The following CNMD variants were observed in gnomAD, a reference collection of about 807,000 sequenced individuals.
The protein encoded by CNMD is leukocyte cell-derived chemotaxin 1.
Under a neutral mutation model 37.5 loss-of-function variants are expected in CNMD, and 30 were observed. The ratio of observed to expected loss-of-function variants is 0.80; its 90% confidence interval spans 0.60 to 1.09. The LOEUF is 1.09. Among genes scored for constraint, CNMD ranks in the 50% least tolerant of loss-of-function variants. CNMD has a pLI of 0.00. For synonymous variants in CNMD, 167 were observed against 148.2 expected (o/e 1.13, Z -0.92); for missense variants, 398 against 423.9 (o/e 0.94, Z 0.54).
chr13:52,721,923 G>A (rs1221021490), intron 4 of CNMD, among the ~76,000 whole-genome samples: 1 of 152,154 alleles, frequency 6.6e-6, no homozygotes, highest in Non-Finnish European at 1.5e-5. Flanking sequence ...AACAAGTTCT[G>A]GGTCCATTTG....
intron 4 of CNMD, among the ~76,000 whole-genome samples, chr13:52,723,346 G>GC (rs1964514152): frequency 6.6e-6 from 1 of 152,034 alleles, no homozygotes; most frequent in South Asian, 2.1e-4. Context: ...GCCCACCTCG[G>GC]CCTCCCAAAG....
chr13:52,720,360 C>G (rs946180130), intron 4 of CNMD, among the ~76,000 whole-genome samples: 8 of 152,150 alleles, frequency 5.3e-5, no homozygotes, highest in African/African-American at 1.9e-4. Context: ...ATTCTCCATC[C>G]AGATTTGTTC....
At chr13:52,710,724 A>G (rs1361851376) in intron 5 of CNMD, among the ~76,000 whole-genome samples, 7 of 152,130 alleles carry the variant, frequency 4.6e-5, no homozygotes, top group Non-Finnish European at 1.0e-4. Context: ...ATCAACATTT[A>G]CCTTTTCTAA....
chr13:52,703,518 A>G lies in CNMD; in HGVS notation c.*77T>C. 1 of 1,022,454 alleles carries G rather than the reference A, an allele frequency of 9.8e-7. No homozygotes were observed. Among genetic ancestry groups the G allele is most frequent in the Non-Finnish European group, 1.5e-6 (1 of 662,778 alleles). 63.3% of individuals were successfully genotyped at this position (1,022,454 alleles called of 1,614,324 possible). On this transcript the variant is annotated 3_prime_UTR_variant, in exon 7 of 7. Transcript: ENST00000377962. ...AAAAATATTTTGTGGTCCTATCAGCATCAACCTGCCTTAATGCTTCTTTGG... is the reference window on the plus strand; with the variant it reads ...AAAAATATTTTGTGGTCCTATCAGCGTCAACCTGCCTTAATGCTTCTTTGG...
At chr13:52,723,737 C>G (rs1220967036) in intron 4 of CNMD, among the ~76,000 whole-genome samples, 1 of 151,952 alleles carries the variant, frequency 6.6e-6, no homozygotes, top group Non-Finnish European at 1.5e-5. Context: ...CAAGAAGAGC[C>G]TGGCCAACAT....
chr13:52,706,103 C>T (rs1027940060), intron 6 of CNMD, among the ~76,000 whole-genome samples: 3 of 152,146 alleles, frequency 2.0e-5, no homozygotes, highest in Non-Finnish European at 4.4e-5. Flanking sequence ...CATAGAAAAA[C>T]GTGCAAATGA....
At chr13:52,735,381 G>C (rs1326732422) in intron 2 of CNMD, among the ~76,000 whole-genome samples, 1 of 151,686 alleles carries the variant, frequency 6.6e-6, no homozygotes, top group Non-Finnish European at 1.5e-5. Flanking sequence ...TTTTTTTTAA[G>C]AACATTGCAC....
chr13:52,739,636 G>A lies in CNMD; in HGVS notation c.66C>T (p.Ser22=). 1.2e-6 allele frequency: 2 copies of A among 1,613,796 alleles called. No homozygotes were observed. The highest frequency in any genetic ancestry group is 2.2e-5 in the East Asian group (1 of 44,874). ...AATCCCTGGCGGTACTCACCGGGGG[G>A]CTGCAGAATTCCACGTCATCAGGTC... is the stretch of plus-strand genomic sequence containing the variant. ...LVGPDDVEFC[S]PPAYATLTVK... Residue 22 remains serine (S), a synonymous_variant, in exon 1 of 7, where the codon AGC becomes AGT. Transcript: ENST00000377962. This position sits in a 1 kb window ranked among gnomAD's most constrained non-coding sequence, Gnocchi z 5.4.
chr13:52,713,258 A>T (rs930155300), intron 4 of CNMD, among the ~76,000 whole-genome samples: 2 of 152,208 alleles, frequency 1.3e-5, no homozygotes, highest in African/African-American at 2.4e-5. Flanking sequence ...TGAAGTGAAA[A>T]TCTTGTGGGG....
chr13:52,704,593 C>T (rs1964144408), intron 6 of CNMD, among the ~76,000 whole-genome samples: 1 of 152,086 alleles, frequency 6.6e-6, no homozygotes, highest in African/African-American at 2.4e-5. Flanking sequence ...TTTTTGGGGA[C>T]TTGTAAGGGT....
At chr13:52,718,900 T>G (rs914358342) in intron 4 of CNMD, among the ~76,000 whole-genome samples, 1 of 152,184 alleles carries the variant, frequency 6.6e-6, no homozygotes, top group African/African-American at 2.4e-5. Flanking sequence ...TCTGTCTCAT[T>G]GATCTGTCTA....
chr13:52,712,557 C>G (rs148027577), intron 5 of CNMD, among the ~76,000 whole-genome samples, 159 bp downstream of exon 5: 1 of 152,250 alleles, frequency 6.6e-6, no homozygotes, highest in East Asian at 1.9e-4. Context: ...TGTCATTTTC[C>G]TGCTCTTTCA....
intron 4 of CNMD, among the ~76,000 whole-genome samples, chr13:52,717,670 C>A (rs981275539): frequency 6.6e-6 from 1 of 152,146 alleles, no homozygotes; most frequent in Non-Finnish European, 1.5e-5. Flanking sequence ...GTTGTACCAG[C>A]CTTGTATCCC....
rs570760172 is a variant in CNMD, at chr13:52,709,166, T to C, written c.623-464A>G. On this transcript the variant is annotated intron_variant, in intron 5 of 6. Transcript: ENST00000377962. ...AGGGGACAGATAGGCTTCCCTGTCT[T>C]GTTTTTCCTTTCTTGAACACAGATG... Among the ~76,000 whole-genome samples the C allele has an allele frequency of 3.3e-5, 5 of 152,334 alleles. No homozygotes were observed. The East Asian group carries it at 7.7e-4, about 23-fold the overall frequency.
chr13:52,704,909 A>ACAAAAAC, intron 6 of CNMD, among the ~76,000 whole-genome samples: 1 of 24,822 alleles, frequency 4.0e-5, no homozygotes, highest in Non-Finnish European at 8.8e-5. Flanking sequence ...CTACTAAAAA[A>ACAAAAAC]TTAGCCAGGC....
At chr13:52,727,231 C>T (rs1487400499) in intron 3 of CNMD, among the ~76,000 whole-genome samples, 3 of 151,946 alleles carry the variant, frequency 2.0e-5, no homozygotes, top group African/African-American at 7.3e-5. Context: ...ATGGCACCAC[C>T]GCACTTCAGC....
rs1964310337 is a variant in CNMD at position 52,712,754 on chromosome 13, T to TGA, written c.583_584insTC (p.Asp195ValfsTer24). 2 of 1,550,840 alleles carry TGA rather than the reference T, an allele frequency of 1.3e-6. No homozygotes were observed. Among genetic ancestry groups the TGA allele is most frequent in the East Asian group, 2.3e-5 (1 of 42,656 alleles). On this transcript the variant is annotated frameshift_variant, in exon 5 of 7. Transcript: ENST00000377962. LOFTEE classifies it high-confidence loss of function. ...TGGTTTAAGCCAGAAAATAGGAAGG[T>TGA]CACCGCAGAGTTCTAACACCTTAGA...
chr13:52,719,571 C>T (rs1245805651), intron 4 of CNMD, among the ~76,000 whole-genome samples: 5 of 152,142 alleles, frequency 3.3e-5, no homozygotes, highest in Non-Finnish European at 7.3e-5. Context: ...GATTTTATTT[C>T]TCCTTCACTT....
Position 52,703,680 on chromosome 13 carries a change from G to A in CNMD, c.920C>T (p.Pro307Leu), listed in dbSNP as rs766810332. ...CEPLGGYYPWPYNYQGCRSAC... is the reference protein window; with the variant it reads ...CEPLGGYYPWLYNYQGCRSAC... Reference sequence around the variant, plus strand: ...CGAACGGCAGCCTTGATAATTATAAGGCCATGGGTAATAGCCCCCCAGGGG... The same window carrying A: ...CGAACGGCAGCCTTGATAATTATAAAGCCATGGGTAATAGCCCCCCAGGGG... The change falls in exon 7 of 7, where the codon CCT becomes CTT. Residue 307 changes from proline to leucine, a missense_variant. Transcript: ENST00000377962. 8 of 1,613,930 alleles carry A rather than the reference G, an allele frequency of 5.0e-6. No individual in the cohort carries two copies. Among genetic ancestry groups the A allele is most frequent in the Non-Finnish European group, 5.9e-6 (7 of 1,179,946 alleles).
Sources: gnomAD v4.1 joint callset for allele counts (sites outside exome capture counted in the v4.1 genomes callset) on GRCh38, gnomAD v4.1.1 for gene constraint, Gnocchi (gnomAD v3.1) non-coding constraint, MANE v1.5 for transcripts, NCBI Gene and HGNC (gene_info 2026-07-23, HGNC 2026-07-21) for gene names.